Variants in TENM4 observed in about 807,000 individuals in gnomAD.
TENM4 encodes the protein teneurin-4.
In TENM4, 82 loss-of-function variants were observed where a neutral mutation model predicts 243.3. The observed-to-expected ratio is 0.34, with a 90% CI of 0.28 to 0.40. TENM4 has a LOEUF of 0.40. TENM4 is among the 10% of genes least tolerant of loss of function. The pLI, the probability that TENM4 is intolerant of heterozygous loss-of-function variation, is 1.00. For synonymous variants in TENM4, 1,412 were observed against 1,456.3 expected (o/e 0.97, Z 0.69); for missense variants, 3,138 against 3,673.3 (o/e 0.85, Z 3.77).
At chr11:79,037,047 A>G (rs1248253791) in intron 6 of TENM4, among the ~76,000 whole-genome samples, 2 of 143,212 alleles carry the variant, frequency 1.4e-5, no homozygotes, top group East Asian at 2.1e-4. Context: ...AAAAAAAAAG[A>G]AAAAAAAGAA....
intron 2 of TENM4, among the ~76,000 whole-genome samples, chr11:79,269,182 T>G (rs1565276594): frequency 6.6e-6 from 1 of 152,248 alleles, no homozygotes; most frequent in Non-Finnish European, 1.5e-5. Context: ...TACATGAACA[T>G]GCTGTTCAAA....
chr11:78,709,063 G>GT (rs1244781750), intron 26 of TENM4, among the ~76,000 whole-genome samples: 3 of 149,350 alleles, frequency 2.0e-5, no homozygotes, highest in Non-Finnish European at 4.4e-5. Flanking sequence ...TGCCTCCCAG[G>GT]TTCAAGCAAT....
intron 4 of TENM4, among the ~76,000 whole-genome samples, chr11:79,137,655 G>A (rs572145719): frequency 2.0e-5 from 3 of 152,226 alleles, no homozygotes; most frequent in South Asian, 4.1e-4. Context: ...ACACGTCTGC[G>A]CATATATACG....
chr11:79,000,102 G>C (rs1473573055), intron 6 of TENM4, among the ~76,000 whole-genome samples: 1 of 152,132 alleles, frequency 6.6e-6, no homozygotes, highest in Non-Finnish European at 1.5e-5. Flanking sequence ...GGGCATATCA[G>C]AGCTGTTAGA....
intron 11 of TENM4, 28 bp from the exon 12 acceptor site, chr11:78,854,342 A>G: frequency 6.8e-7 from 1 of 1,473,614 alleles, no homozygotes; most frequent in Non-Finnish European, 9.0e-7. Context: ...CACAGTTAGC[A>G]GTGGGTCTGT....
At position 78,722,695 on chromosome 11, in the gene TENM4, C is replaced by A; in HGVS notation, c.3773G>T (p.Gly1258Val). Residue 1258 changes from glycine (G) to valine (V), a missense_variant, in exon 24 of 34, where the codon GGA (glycine) becomes GTA (valine). Physicochemically the swap from Gly to Val is moderately radical, Grantham distance 109 (BLOSUM62 -3). Coordinates refer to ENST00000278550, the MANE Select transcript of TENM4 (RefSeq NM_001098816.3). ...FNYIRRIFPS[G>V]NVTNILELRN... ...CAGCTCTAGGATGTTGGTGACATTT[C>A]CAGAGGGGAAGATCCTTCTAATGTA... 6.2e-7 allele frequency: 1 copy of A among 1,613,740 alleles called. No individual in the cohort carries two copies. Among genetic ancestry groups the A allele is most frequent in the Non-Finnish European group, 8.5e-7 (1 of 1,179,628 alleles).
At chr11:79,398,209 T>C (rs141543811) in intron 1 of TENM4, among the ~76,000 whole-genome samples, 1 of 152,204 alleles carries the variant, frequency 6.6e-6, no homozygotes, top group African/African-American at 2.4e-5. Flanking sequence ...ACCTCATGTG[T>C]CCTTTAATCT....
chr11:79,039,886 A>C (rs1457970718), intron 6 of TENM4, among the ~76,000 whole-genome samples: 2 of 152,258 alleles, frequency 1.3e-5, no homozygotes, highest in Non-Finnish European at 2.9e-5. Context: ...AAAGCATTCA[A>C]CACAGTGTCA....
chr11:79,115,006 G>A (rs1425654060), intron 4 of TENM4, among the ~76,000 whole-genome samples: 1 of 152,148 alleles, frequency 6.6e-6, no homozygotes. Context: ...GTCTGTCCCT[G>A]CTATACTGAG....
chr11:78,696,325 T>C (rs994347143), intron 28 of TENM4, among the ~76,000 whole-genome samples: 5 of 152,186 alleles, frequency 3.3e-5, no homozygotes, highest in Non-Finnish European at 5.9e-5. Flanking sequence ...AAAATAATTA[T>C]AGTTATTTTA....
At chr11:78,806,336 C>T (rs1034915867) in intron 14 of TENM4, among the ~76,000 whole-genome samples, 13 of 152,182 alleles carry the variant, frequency 8.5e-5, no homozygotes, top group African/African-American at 2.9e-4. Context: ...AAAAAATTCA[C>T]TTTCCTGAGG....
chr11:78,871,718 C>T (rs2136242748), intron 9 of TENM4, among the ~76,000 whole-genome samples: 1 of 152,324 alleles, frequency 6.6e-6, no homozygotes, highest in South Asian at 2.1e-4. Context: ...AGGGAACCAT[C>T]TCCTTGGGTC....
intron 1 of TENM4, among the ~76,000 whole-genome samples, chr11:79,357,882 G>A (rs1277372172): frequency 6.6e-6 from 1 of 152,036 alleles, no homozygotes; most frequent in East Asian, 1.9e-4. Flanking sequence ...AGGTAAATAA[G>A]GACTGTAAAA....
At chr11:78,938,035 T>C (rs1856823281) in intron 6 of TENM4, among the ~76,000 whole-genome samples, 1 of 152,246 alleles carries the variant, frequency 6.6e-6, no homozygotes, top group Non-Finnish European at 1.5e-5. Context: ...CTCACTTCTC[T>C]ATAATCATCC....
chr11:78,720,195 C>T (rs139032723), intron 25 of TENM4, among the ~76,000 whole-genome samples, 175 bp downstream of exon 25: 1 of 152,310 alleles, frequency 6.6e-6, no homozygotes, highest in East Asian at 1.9e-4. Context: ...AGGCTCCTGC[C>T]ACCCATTCTT....
intron 3 of TENM4, among the ~76,000 whole-genome samples, chr11:79,206,613 C>A (rs1425713020): frequency 6.6e-6 from 1 of 152,100 alleles, no homozygotes; most frequent in Non-Finnish European, 1.5e-5. Flanking sequence ...ATCCTGGGGG[C>A]TGGTCTTTCC....
chr11:79,357,336 TG>T (rs1426594319), intron 1 of TENM4, among the ~76,000 whole-genome samples: 1 of 152,262 alleles, frequency 6.6e-6, no homozygotes, highest in Non-Finnish European at 1.5e-5. Context: ...CCTTCTGTCC[TG>T]AGGCCACTTT....
intron 3 of TENM4, among the ~76,000 whole-genome samples, chr11:79,204,421 A>G (rs1425575579): frequency 6.6e-6 from 1 of 152,198 alleles, no homozygotes; most frequent in African/African-American, 2.4e-5. Flanking sequence ...AGCCCCTACT[A>G]TGGCCTGGGC....
intron 4 of TENM4, among the ~76,000 whole-genome samples, chr11:79,091,220 A>G (rs569992706): frequency 6.6e-6 from 1 of 152,332 alleles, no homozygotes; most frequent in South Asian, 2.1e-4. Context: ...CTTAAGACCT[A>G]TTCTCTATTT....
Sources: gnomAD v4.1 joint callset for allele counts (sites outside exome capture counted in the v4.1 genomes callset) on GRCh38, gnomAD v4.1.1 for gene constraint, MANE v1.5 for transcripts, NCBI Gene and HGNC (gene_info 2026-07-23, HGNC 2026-07-21) for gene names.